Variants in CHD9 observed in about 807,000 individuals in gnomAD.
The protein encoded by CHD9 is chromodomain helicase DNA binding protein 9.
In CHD9, 77 loss-of-function variants were observed where a neutral mutation model predicts 316.1. The observed-to-expected ratio is 0.24, with a 90% CI of 0.20 to 0.29. CHD9 has a LOEUF of 0.29. CHD9 is among the 10% of genes least tolerant of loss of function. The probability of loss-of-function intolerance (pLI) is 1.00; values close to 1 mark genes in which losing one functional copy is unlikely to be tolerated. For synonymous variants in CHD9, 1,129 were observed against 1,158.3 expected, an observed-to-expected ratio of 0.97 and a Z score of 0.51; for missense variants, 2,763 against 3,438.1, an observed-to-expected ratio of 0.80 and a Z score of 4.91.
chr16:53,304,002 G>A lies in CHD9; in HGVS notation c.5996G>A (p.Arg1999Lys). 4.3e-6 allele frequency: 7 copies of A among 1,613,994 alleles called. No homozygotes were observed. The highest frequency in any genetic ancestry group is 5.9e-6 in the Non-Finnish European group (7 of 1,179,890). ...DPELSFMAAQ[R>K]NYSQSKMAHS... is the part of the protein sequence containing the mutation. ...GAACTCTCATTTATGGCAGCTCAGA[G>A]GAACTACAGTCAAAGTAAGATGGCT... Residue 1999 changes from arginine (R) to lysine (K), a missense_variant, in exon 31 of 39, where the codon AGG becomes AAG. By Grantham distance (26) the Arg-to-Lys change is conservative. Coordinates refer to ENST00000447540, the MANE Select transcript of CHD9 (RefSeq NM_001308319.2).
At chr16:53,232,044 T>A (rs938346813) in intron 10 of CHD9, among the ~76,000 whole-genome samples, 1 of 152,154 alleles carries the variant, frequency 6.6e-6, no homozygotes, top group African/African-American at 2.4e-5. Context: ...GGAAATGAAT[T>A]AAATATTCCA....
At chr16:53,143,101 T>C (rs1212126614) in intron 1 of CHD9, among the ~76,000 whole-genome samples, 3 of 152,182 alleles carry the variant, frequency 2.0e-5, no homozygotes, top group African/African-American at 7.2e-5. Flanking sequence ...CCTCATGACC[T>C]AATCACCTGT....
chr16:53,059,215 T>C (rs1394708526), intron 1 of CHD9, among the ~76,000 whole-genome samples: 2 of 152,160 alleles, frequency 1.3e-5, no homozygotes, highest in Non-Finnish European at 2.9e-5. Flanking sequence ...AATCAGTAAC[T>C]AAGTGGTGGT....
Position 53,262,855 on chromosome 16 carries a change from C to T in CHD9, c.4210-132C>T. ...GCAGATGCAGTGCTGTGTTTCAGAC[C>T]ACTGAATTTGAAACACCCTTTGATG... On this transcript the variant is annotated intron_variant, in intron 19 of 38. Transcript: ENST00000447540. 4 of 701,374 alleles carry T rather than the reference C, an allele frequency of 5.7e-6. No homozygotes were observed. The South Asian group carries it at 6.8e-5, about 12-fold the overall frequency. 43.4% of individuals were successfully genotyped at this position (701,374 alleles called of 1,614,324 possible). A position where few individuals can be genotyped will look rare whatever the true frequency, so the allele number is the denominator to read the frequency against.
intron 1 of CHD9, among the ~76,000 whole-genome samples, chr16:53,128,266 G>A (rs1350377512): frequency 1.3e-5 from 2 of 151,848 alleles, no homozygotes; most frequent in Non-Finnish European, 2.9e-5. Flanking sequence ...CAGTGCAACC[G>A]CTGCCTCCCA....
At chr16:53,238,065 AC>A (rs1199447054) in intron 11 of CHD9, among the ~76,000 whole-genome samples, 11 of 152,172 alleles carry the variant, frequency 7.2e-5, no homozygotes, top group Non-Finnish European at 1.5e-4. Flanking sequence ...TGATTCCTGA[AC>A]AAATAATATA....
chr16:53,257,110 G>C (rs2152981835), intron 19 of CHD9, among the ~76,000 whole-genome samples: 1 of 152,252 alleles, frequency 6.6e-6, no homozygotes. Context: ...AGTCTTGAGG[G>C]AATTGCGAAT....
chr16:53,078,438 G>A (rs935016733), intron 1 of CHD9, among the ~76,000 whole-genome samples: 1 of 152,174 alleles, frequency 6.6e-6, no homozygotes, highest in Admixed American at 6.5e-5. Context: ...TGATGACACA[G>A]CACAAAGGTC....
intron 1 of CHD9, among the ~76,000 whole-genome samples, chr16:53,096,941 CATTAATCCATGAGTGG>C (rs2036424262): frequency 6.6e-6 from 1 of 151,892 alleles, no homozygotes; most frequent in African/African-American, 2.4e-5. Flanking sequence ...CATTATAACC[CATTAATCCATGAGTGG>C]ATTAATCCAC....
chr16:53,312,491 G>A (rs1373915126), intron 34 of CHD9, among the ~76,000 whole-genome samples: 4 of 152,188 alleles, frequency 2.6e-5, no homozygotes, highest in African/African-American at 9.6e-5. Context: ...TAAAAGAAGG[G>A]CAGGGAATAG....
At chr16:53,291,664 CT>C (rs567727260) in intron 27 of CHD9, 60 bp from the exon 28 acceptor site, 8 of 1,147,250 alleles carry the variant, frequency 7.0e-6, no homozygotes, top group Admixed American at 2.6e-5. Context: ...ATTCTCTTTT[CT>C]TTTTTTATAT....
intron 13 of CHD9, among the ~76,000 whole-genome samples, chr16:53,244,950 A>G (rs984656579): frequency 2.6e-4 from 39 of 152,108 alleles, no homozygotes; most frequent in African/African-American, 9.4e-4. Context: ...CATCTCTACA[A>G]AAAAATATTT....
chr16:53,229,480 C>G (rs543556151), intron 8 of CHD9, among the ~76,000 whole-genome samples: 1 of 152,294 alleles, frequency 6.6e-6, no homozygotes, highest in East Asian at 1.9e-4. Flanking sequence ...ATTTTCTATA[C>G]TAGCTTCATG....
In CHD9 at chr16:53,255,723, C is replaced by G; in HGVS notation, c.4153C>G (p.Arg1385Gly). 2 of 1,613,882 alleles carry G rather than the reference C, an allele frequency of 1.2e-6. No individual in the cohort carries two copies. Among genetic ancestry groups the G allele is most frequent in the Non-Finnish European group, 8.5e-7 (1 of 1,179,834 alleles). ...AGAGGATATCGATCAGATTTTACTACGTCGTACAAAAACTATTACAATTGA... is the reference window on the plus strand; with the variant it reads ...AGAGGATATCGATCAGATTTTACTAGGTCGTACAAAAACTATTACAATTGA... The part of the protein sequence containing the change: ...CEEDIDQILL[R>G]RTKTITIESE... Residue 1385 changes from arginine (R) to glycine (G), a missense_variant, in exon 19 of 39, where the codon CGT becomes GGT. Physicochemically the swap from Arg to Gly is moderately radical, Grantham distance 125. Transcript: ENST00000447540.
chr16:53,106,685 G>A (rs138692615), intron 1 of CHD9, among the ~76,000 whole-genome samples: 218 of 151,164 alleles, frequency 1.4e-3, no homozygotes, highest in African/African-American at 5.0e-3. Flanking sequence ...CACACAGCGC[G>A]ATGTGCATAT....
chr16:53,239,776 C>T (rs992615997), intron 12 of CHD9, among the ~76,000 whole-genome samples: 1 of 152,092 alleles, frequency 6.6e-6, no homozygotes, highest in African/African-American at 2.4e-5. Flanking sequence ...GCTGTGATCA[C>T]ACCACTGCAC....
chr16:53,096,176 G>A (rs2036365025), intron 1 of CHD9, among the ~76,000 whole-genome samples: 2 of 151,366 alleles, frequency 1.3e-5, no homozygotes, highest in African/African-American at 4.9e-5. Flanking sequence ...TCCCACCTCA[G>A]CCTCCCAAAG....
intron 1 of CHD9, among the ~76,000 whole-genome samples, chr16:53,154,134 A>T (rs368415414): frequency 1.3e-5 from 2 of 152,334 alleles, no homozygotes; most frequent in East Asian, 3.9e-4. Flanking sequence ...TAATATTAAC[A>T]CCCTTTCAAT....
chr16:53,293,129 A>G (rs7188463), intron 29 of CHD9, 77 bp downstream of exon 29: 368,376 of 1,283,652 alleles, frequency 0.29, 53,999 homozygotes, highest in Middle Eastern at 0.33. Context: ...GGGTACAATT[A>G]TCACGCTTTG....
Sources: gnomAD v4.1 joint callset for allele counts (sites outside exome capture counted in the v4.1 genomes callset) on GRCh38, gnomAD v4.1.1 for gene constraint, MANE v1.5 for transcripts, NCBI Gene and HGNC (gene_info 2026-07-23, HGNC 2026-07-21) for gene names.